The following TRPM3 variants were observed in gnomAD, a reference collection of about 807,000 sequenced individuals.
TRPM3 encodes long transient receptor potential channel 3.
In TRPM3, 77 loss-of-function variants were observed where a neutral mutation model predicts 181.2. The observed-to-expected ratio is 0.42, with a 90% confidence interval of 0.35 to 0.51. The LOEUF (loss-of-function observed/expected upper bound fraction) is 0.51. TRPM3 is among the 20% of genes least tolerant of loss of function. The probability of loss-of-function intolerance (pLI) is 0.01; values close to 1 mark genes in which losing one functional copy is unlikely to be tolerated. For missense variants in TRPM3, 1,759 were observed against 2,196.7 expected (o/e 0.80, Z 3.98); for synonymous variants, 745 against 796.4 (o/e 0.94, Z 1.09).
At chr9:71,073,798 T>C (rs2133597024) in intron 1 of TRPM3, among the ~76,000 whole-genome samples, 1 of 152,304 alleles carries the variant, frequency 6.6e-6, no homozygotes, top group South Asian at 2.1e-4. Context: ...AAAATATTGC[T>C]GAGATAATGT....
rs147178501 is a variant in TRPM3 at position 70,894,997 on chromosome 9, T to C, written c.178-30486A>G. 1.6e-4 allele frequency among the ~76,000 whole-genome samples: 25 copies of C among 152,300 alleles called. No homozygotes were observed. The East Asian group carries it at 4.6e-3, about 28-fold the overall frequency. ...GTGCTAGTGCCATGGCTTGGGAAGA[T>C]ACCTTATCTTTTAAGAGCTTGTATT... On this transcript the variant is annotated intron_variant, in intron 1 of 25. Coordinates refer to ENST00000677713, the MANE Select transcript of TRPM3 (RefSeq NM_001366145.2).
rs554838032 is a variant in TRPM3 at position 71,398,877 on chromosome 9, A to G, written c.183+47776T>C. Among the ~76,000 whole-genome samples, 3 of 152,182 alleles carry G rather than the reference A, an allele frequency of 2.0e-5. No individual in the cohort carries two copies. In the South Asian group the frequency reaches 6.2e-4, roughly 31 times the overall value. On this transcript the variant is annotated intron_variant, in intron 1 of 24. Transcript: ENST00000357533. Reference sequence around the variant, plus strand: ...ATAAGTAACAATACAGTACATAAATATTGAAAAATATTCAATTTAATGAAT... The same window carrying G: ...ATAAGTAACAATACAGTACATAAATGTTGAAAAATATTCAATTTAATGAAT...
rs571432447 is a variant in TRPM3 at position 71,121,601 on chromosome 9, C to G, written c.-247G>C. 6.2e-4 allele frequency: 786 copies of G among 1,270,750 alleles called. 1 individual carries two copies. The highest frequency in any genetic ancestry group is 1.4e-3 in the Admixed American group (37 of 26,320). 78.7% of individuals were successfully genotyped at this position (1,270,750 alleles called of 1,614,324 possible). ...GCACAAAACAGCCTGTGGTCGGAGTCAAAGCAGCCTGCTCCAGAATGCGCG... is the reference window on the plus strand; with the variant it reads ...GCACAAAACAGCCTGTGGTCGGAGTGAAAGCAGCCTGCTCCAGAATGCGCG... On this transcript the variant is annotated 5_prime_UTR_variant, in exon 1 of 26. Transcript: ENST00000677713.
intron 1 of TRPM3, among the ~76,000 whole-genome samples, chr9:71,305,286 CAGAAA>C (rs2087176390): frequency 6.6e-6 from 1 of 152,188 alleles, no homozygotes; most frequent in African/African-American, 2.4e-5. Flanking sequence ...AACCAAGATT[CAGAAA>C]CCTCTAGGAC....
chr9:71,260,772 G>A (rs545157728), intron 1 of TRPM3, among the ~76,000 whole-genome samples: 27 of 152,288 alleles, frequency 1.8e-4, no homozygotes, highest in African/African-American at 5.5e-4. Context: ...AACTTAAGGC[G>A]TTTTGGGGCT....
chr9:70,677,662 C>A lies in TRPM3; in HGVS notation c.1345+3844G>T, dbSNP rs186312416. On this transcript the variant is annotated intron_variant, in intron 9 of 25. Transcript: ENST00000677713. ...ACAGAGCTGTTCATACTTCACTGAG[C>A]CTAAGCATAAAAATGAAAAGTTTTC... 1.0e-3 allele frequency among the ~76,000 whole-genome samples: 157 copies of A among 152,294 alleles called. 1 individual carries two copies. The highest frequency in any genetic ancestry group is 9.3e-3 in the Admixed American group (143 of 15,296).
chr9:70,609,054 T>G (rs1234019310), intron 19 of TRPM3, among the ~76,000 whole-genome samples: 1 of 152,196 alleles, frequency 6.6e-6, no homozygotes, highest in African/African-American at 2.4e-5. Flanking sequence ...ACATTGTACT[T>G]ATATGTCAAG....
At chr9:70,616,335 A>C (rs1278951246) in intron 17 of TRPM3, among the ~76,000 whole-genome samples, 3 of 152,090 alleles carry the variant, frequency 2.0e-5, no homozygotes, top group Non-Finnish European at 4.4e-5. Flanking sequence ...TTTTGGAGGA[A>C]AAAAGCATTT....
At chr9:70,891,802 T>A (rs1197749233) in intron 1 of TRPM3, among the ~76,000 whole-genome samples, 2 of 152,190 alleles carry the variant, frequency 1.3e-5, no homozygotes, top group Admixed American at 6.6e-5. Flanking sequence ...CTGTAAATTG[T>A]CATTTTTGTC....
chr9:70,544,683 A>C (rs1461389843), intron 25 of TRPM3, among the ~76,000 whole-genome samples: 1 of 152,064 alleles, frequency 6.6e-6, no homozygotes, highest in Admixed American at 6.6e-5. Context: ...AGGATGAAAA[A>C]TTAATATACT....
intron 1 of TRPM3, among the ~76,000 whole-genome samples, chr9:71,308,625 T>A (rs1009901605): frequency 6.6e-6 from 1 of 152,096 alleles, no homozygotes; most frequent in Non-Finnish European, 1.5e-5. Flanking sequence ...AGAAGGAAAA[T>A]TATTTTACAC....
chr9:71,386,197 T>C (rs1171551086), intron 1 of TRPM3, among the ~76,000 whole-genome samples: 1 of 150,536 alleles, frequency 6.6e-6, no homozygotes, highest in African/African-American at 2.4e-5. Flanking sequence ...CTGCCTGTAA[T>C]CCCAGCACTT....
In TRPM3 at chr9:70,603,486, A is replaced by T. The variant is rs2060453914; in HGVS notation, c.2668-16T>A. ...TATACGCCAGCTGTAAGGAGACACA[A>T]TACAGTGCTCTGGCTGTTCAGGCCC... On this transcript the variant is annotated splice_polypyrimidine_tract_variant and intron_variant, in intron 19 of 25. Transcript: ENST00000677713. 6.2e-7 allele frequency: 1 copy of T among 1,613,542 alleles called. No homozygotes were observed. Among genetic ancestry groups the T allele is most frequent in the Non-Finnish European group, 8.5e-7 (1 of 1,179,706 alleles).
intron 6 of TRPM3, among the ~76,000 whole-genome samples, chr9:70,793,253 G>C (rs2085982528): frequency 6.6e-6 from 1 of 151,874 alleles, no homozygotes; most frequent in Non-Finnish European, 1.5e-5. Flanking sequence ...CAGGAATTCA[G>C]GATCAGCCTG....
intron 1 of TRPM3, among the ~76,000 whole-genome samples, chr9:71,350,955 T>C (rs1032723803): frequency 6.6e-6 from 1 of 152,314 alleles, no homozygotes; most frequent in East Asian, 1.9e-4. Context: ...TCCATGCTCA[T>C]AAAGCAACTA....
At chr9:71,445,191 C>T (rs958208709) in intron 1 of TRPM3, among the ~76,000 whole-genome samples, 4 of 152,114 alleles carry the variant, frequency 2.6e-5, no homozygotes, top group African/African-American at 9.7e-5. Flanking sequence ...GTGCACACAC[C>T]TGTTGAACAG....
chr9:70,963,214 A>G (rs956419598), intron 1 of TRPM3, among the ~76,000 whole-genome samples: 1 of 152,206 alleles, frequency 6.6e-6, no homozygotes, highest in Non-Finnish European at 1.5e-5. Context: ...AGGATAAAAG[A>G]GTCATCTTTT....
At chr9:70,676,664 C>T (rs1409030280) in intron 9 of TRPM3, among the ~76,000 whole-genome samples, 1 of 152,110 alleles carries the variant, frequency 6.6e-6, no homozygotes, top group Non-Finnish European at 1.5e-5. Context: ...CTCAAAGAAT[C>T]TCACTCTTGA....
intron 22 of TRPM3, among the ~76,000 whole-genome samples, chr9:70,575,044 C>T (rs1326290468): frequency 6.6e-6 from 1 of 151,466 alleles, no homozygotes; most frequent in Non-Finnish European, 1.5e-5. Context: ...CAGGCTCAAG[C>T]TATTCTTCCA....
Sources: gnomAD v4.1 joint callset for allele counts (sites outside exome capture counted in the v4.1 genomes callset) on GRCh38, gnomAD v4.1.1 for gene constraint, MANE v1.5 for transcripts, NCBI Gene and HGNC (gene_info 2026-07-23, HGNC 2026-07-21) for gene names.